Variants in MYO5C observed in about 807,000 individuals in gnomAD.
The protein encoded by MYO5C is unconventional myosin-Vc.
A neutral mutation model predicts 235.7 loss-of-function variants in MYO5C; 194 were observed. The observed-to-expected ratio is 0.82, with a 90% CI of 0.73 to 0.93. MYO5C has a LOEUF of 0.93. MYO5C is among the 40% of genes least tolerant of loss of function. MYO5C has a pLI of 0.00. For missense variants in MYO5C, 2,038 were observed against 2,127.2 expected (o/e 0.96, Z 0.82); for synonymous variants, 707 against 754.8 (o/e 0.94, Z 1.04).
intron 16 of MYO5C, 31 bp downstream of exon 16, chr15:52,246,886 T>A: frequency 6.4e-7 from 1 of 1,567,342 alleles, no homozygotes; most frequent in Middle Eastern, 1.7e-4. Context: ...CCTTCCCACG[T>A]CTTCGCTGTG....
chr15:52,218,455 G>T, intron 32 of MYO5C, 64 bp downstream of exon 32: 1 of 1,476,546 alleles, frequency 6.8e-7, no homozygotes, highest in Non-Finnish European at 9.4e-7. Context: ...TAGGTGGCAT[G>T]TCCCCCCTTT....
intron 12 of MYO5C, 55 bp downstream of exon 12, chr15:52,253,262 A>AC (rs2036510928): frequency 6.5e-7 from 1 of 1,545,506 alleles, no homozygotes; most frequent in East Asian, 2.3e-5. Context: ...GCTTTGCAAA[A>AC]TGCTCATCTG....
In MYO5C at chr15:52,225,203, T is replaced by C. The variant is rs892239579; in HGVS notation, c.3302-65A>G. 18 of 1,557,818 alleles carry C rather than the reference T, an allele frequency of 1.2e-5. No individual in the cohort carries two copies. In the African/African-American group the frequency reaches 2.4e-4, roughly 21 times the overall value. On this transcript the variant is annotated intron_variant, in intron 26 of 40. Coordinates refer to ENST00000261839, the MANE Select transcript of MYO5C (RefSeq NM_018728.4). The stretch of plus-strand genomic sequence containing the variant: ...GATGATTTATCTTTTCCCATTCCCT[T>C]TCCAGGGCCCAGTTTTCTAGCTTCA...
intron 2 of MYO5C, among the ~76,000 whole-genome samples, chr15:52,281,636 C>T (rs984908585): frequency 6.6e-6 from 1 of 152,206 alleles, no homozygotes; most frequent in African/African-American, 2.4e-5. Context: ...GGACGGTGCA[C>T]AGTCATTACC....
At chr15:52,251,934 G>A (rs2141335135) in intron 12 of MYO5C, among the ~76,000 whole-genome samples, 1 of 152,260 alleles carries the variant, frequency 6.6e-6, no homozygotes, top group South Asian at 2.1e-4. Flanking sequence ...CCAAAGTGCT[G>A]GGGTTACAGG....
In MYO5C at chr15:52,279,665, A is replaced by G. The variant is rs757681183; in HGVS notation, c.148T>C (p.Tyr50His). ...LLLEDGTELD[Y>H]SVNPESLPPL... ...GGCAGAGATTCTGGATTGACAGAATAATCCAGCTCCTATGGACAAAGATAA... is the reference window on the plus strand; with the variant it reads ...GGCAGAGATTCTGGATTGACAGAATGATCCAGCTCCTATGGACAAAGATAA... Residue 50 changes from tyrosine (Y) to histidine (H), a missense_variant, in exon 3 of 41, where the codon TAT becomes CAT. Transcript: ENST00000261839. 6.2e-7 allele frequency: 1 copy of G among 1,610,752 alleles called. No individual in the cohort carries two copies. The highest frequency in any genetic ancestry group is 1.1e-5 in the South Asian group (1 of 90,996).
chr15:52,279,473 G>A (rs1271362666), intron 3 of MYO5C, 36 bp downstream of exon 3: 2 of 1,591,290 alleles, frequency 1.3e-6, no homozygotes, highest in Admixed American at 3.4e-5. Context: ...TTACATTCCA[G>A]TGCCATTCCT....
chr15:52,215,520 G>A (rs966953436), intron 32 of MYO5C, among the ~76,000 whole-genome samples: 1 of 152,178 alleles, frequency 6.6e-6, no homozygotes, highest in Non-Finnish European at 1.5e-5. Flanking sequence ...ACATTGTGCT[G>A]TTTCTACTCT....
At chr15:52,232,443 A>G (rs568508197) in intron 24 of MYO5C, among the ~76,000 whole-genome samples, 179 bp downstream of exon 24, 1 of 152,362 alleles carries the variant, frequency 6.6e-6, no homozygotes, top group Non-Finnish European at 1.5e-5. Flanking sequence ...GAATGTGTTC[A>G]GTATCTGACA....
chr15:52,218,889 G>C (rs2035613392), intron 31 of MYO5C, among the ~76,000 whole-genome samples: 1 of 152,182 alleles, frequency 6.6e-6, no homozygotes, highest in Admixed American at 6.5e-5. Context: ...AACTGTCCAT[G>C]GACTGCTCTG....
chr15:52,270,682 G>GTATACACATGTATGTGTATATA (rs565640908), intron 7 of MYO5C, among the ~76,000 whole-genome samples: 3 of 150,864 alleles, frequency 2.0e-5, no homozygotes, highest in African/African-American at 4.9e-5. Flanking sequence ...ATGTATGTAT[G>GTATACACATGTATGTGTATATA]TATACACATG....
intron 33 of MYO5C, chr15:52,213,508 A>G (rs1386131840): frequency 7.0e-6 from 3 of 427,778 alleles, no homozygotes; most frequent in Admixed American, 7.0e-5. Flanking sequence ...AAAAGGCCCA[A>G]TTATCCTTTG....
At chr15:52,250,747 C>T (rs779157219) in intron 13 of MYO5C, among the ~76,000 whole-genome samples, 2 of 152,186 alleles carry the variant, frequency 1.3e-5, no homozygotes, top group Non-Finnish European at 1.5e-5. Flanking sequence ...AGGCAACACC[C>T]AACCAGGACA....
intron 5 of MYO5C, 93 bp downstream of exon 5, chr15:52,275,468 AG>A (rs755304081): frequency 5.4e-5 from 80 of 1,494,270 alleles, no homozygotes; most frequent in Non-Finnish European, 7.1e-5. Context: ...TAGTCTTTAA[AG>A]GGTGGGAACT....
At chr15:52,212,020 C>T (rs893522309) in intron 34 of MYO5C, 136 bp from the exon 35 acceptor site, 1 of 809,646 alleles carries the variant, frequency 1.2e-6, no homozygotes, top group Non-Finnish European at 1.8e-6. Flanking sequence ...TTTATTTCCT[C>T]TTTGAGGAAT....
At chr15:52,230,250 T>C (rs2035917652) in intron 24 of MYO5C, among the ~76,000 whole-genome samples, 1 of 152,242 alleles carries the variant, frequency 6.6e-6, no homozygotes, top group Admixed American at 6.5e-5. Context: ...ACAGGGGCCC[T>C]TGAAGCAGTG....
chr15:52,248,912 T>C, intron 13 of MYO5C, 129 bp from the exon 14 acceptor site: 4 of 635,520 alleles, frequency 6.3e-6, no homozygotes, highest in East Asian at 5.6e-5. Context: ...AAAAGACGTC[T>C]GGCTTCTGTG....
chr15:52,209,740 AAAC>A (rs2035402687), intron 35 of MYO5C, among the ~76,000 whole-genome samples: 1 of 152,222 alleles, frequency 6.6e-6, no homozygotes, highest in Non-Finnish European at 1.5e-5. Flanking sequence ...TGGACAGGGA[AAAC>A]ATCAATTTAT....
At chr15:52,213,890 T>C (rs2035501827) in intron 33 of MYO5C, among the ~76,000 whole-genome samples, 1 of 152,234 alleles carries the variant, frequency 6.6e-6, no homozygotes, top group Non-Finnish European at 1.5e-5. Flanking sequence ...GACTGCCATT[T>C]GTCATTTATT....
Sources: gnomAD v4.1 joint callset for allele counts (sites outside exome capture counted in the v4.1 genomes callset) on GRCh38, gnomAD v4.1.1 for gene constraint, MANE v1.5 for transcripts, NCBI Gene and HGNC (gene_info 2026-07-23, HGNC 2026-07-21) for gene names.